DNAH7: variants seen among roughly 807,000 people sequenced by gnomAD.
The protein encoded by DNAH7 is axonemal beta dynein heavy chain 7.
In DNAH7, 397 loss-of-function variants were observed where a neutral mutation model predicts 444.6. The observed-to-expected ratio is 0.89, with a 90% confidence interval of 0.82 to 0.97. DNAH7 has a LOEUF of 0.97. Ranked by LOEUF, DNAH7 falls within the 50% of genes least tolerant of loss-of-function variation. The probability of loss-of-function intolerance (pLI) is 0.00; values close to 1 mark genes in which losing one functional copy is unlikely to be tolerated. For synonymous variants in DNAH7, 1,636 were observed against 1,624.4 expected (o/e 1.01, Z -0.17); for missense variants, 4,902 against 4,800.8 (o/e 1.02, Z -0.62).
At position 195,799,241 on chromosome 2, in the gene DNAH7, A is replaced by G. The variant is rs935651144; in HGVS notation, c.10353+55T>C. On this transcript the variant is annotated intron_variant, in intron 55 of 64. Coordinates refer to ENST00000312428, the MANE Select transcript of DNAH7 (RefSeq NM_018897.3). ...CCTCATCCTTAAAATTTCAATTATA[A>G]GCAAGTATTGCTTTTTTAAAATAAT... is the stretch of plus-strand genomic sequence containing the variant. The G allele has an allele frequency of 1.9e-5, 26 of 1,374,562 alleles. 1 individual carries two copies. The highest frequency in any genetic ancestry group is 1.1e-4 in the Admixed American group (4 of 37,876). The allele number at this position is 1,374,562 out of a possible 1,614,324, so 85.1% of individuals were successfully genotyped here. A position where few individuals can be genotyped will look rare whatever the true frequency, so the allele number is the denominator to read the frequency against.
chr2:195,772,981 A>G (rs1052887777), intron 60 of DNAH7, among the ~76,000 whole-genome samples: 13 of 151,960 alleles, frequency 8.6e-5, no homozygotes, highest in African/African-American at 3.1e-4. Context: ...GTGTTTCACC[A>G]TGTTGGCCAG....
At chr2:196,027,054 T>TA in intron 6 of DNAH7, 114 bp from the exon 7 acceptor site, 3 of 728,546 alleles carry the variant, frequency 4.1e-6, no homozygotes, top group Non-Finnish European at 6.4e-6. Flanking sequence ...TTATAAAGCA[T>TA]AAAAAAGTAT....
chr2:195,875,641 T>C (rs1260458414), intron 38 of DNAH7, 34 bp downstream of exon 38: 2 of 1,527,422 alleles, frequency 1.3e-6, no homozygotes, highest in Admixed American at 4.4e-5. Context: ...GGGAGATTTT[T>C]CCATCTTAGT....
At position 195,969,966 on chromosome 2, in the gene DNAH7, C is replaced by A. The variant is rs553164161; in HGVS notation, c.2187G>T (p.Leu729Phe). 1.7e-4 allele frequency: 266 copies of A among 1,605,228 alleles called. 4 individuals are homozygous for A. The South Asian group carries it at 1.9e-3, about 12-fold the overall frequency. Reference protein sequence around the residue: ...LKKAQILNGKLDLAADKIEQF... With the variant: ...LKKAQILNGKFDLAADKIEQF... ...ATTATACCTTATCTGCAGCTAAATC[C>A]AACTTTCCATTCAGTATTTGAGCCT... The change falls in exon 17 of 65, where the codon TTG becomes TTT. Residue 729 changes from leucine (L) to phenylalanine (F), a missense_variant. Coordinates refer to ENST00000312428, the MANE Select transcript of DNAH7 (RefSeq NM_018897.3).
chr2:195,748,258 C>G (rs1693549907), intron 63 of DNAH7, among the ~76,000 whole-genome samples: 2 of 152,142 alleles, frequency 1.3e-5, no homozygotes, highest in South Asian at 4.1e-4. Flanking sequence ...GAATAAAATA[C>G]CTAGGAATCC....
chr2:195,768,261 A>G (rs917733964), intron 61 of DNAH7, among the ~76,000 whole-genome samples: 8 of 149,144 alleles, frequency 5.4e-5, no homozygotes, highest in Non-Finnish European at 1.0e-4. Flanking sequence ...ATGATAAGGC[A>G]AATATGGCAA....
chr2:195,842,683 T>C (rs1024364586), intron 47 of DNAH7, among the ~76,000 whole-genome samples: 3 of 152,160 alleles, frequency 2.0e-5, no homozygotes, highest in African/African-American at 7.2e-5. Context: ...GTAGGGGTTA[T>C]GACTCATTAA....
chr2:195,803,478 C>CT (rs1696569740), intron 54 of DNAH7, among the ~76,000 whole-genome samples: 1 of 152,218 alleles, frequency 6.6e-6, no homozygotes, highest in Non-Finnish European at 1.5e-5. Context: ...GCTCCCAAGA[C>CT]TGAATTGTAA....
At chr2:195,968,177 C>A (rs1342784722) in intron 17 of DNAH7, among the ~76,000 whole-genome samples, 1 of 152,114 alleles carries the variant, frequency 6.6e-6, no homozygotes, top group Non-Finnish European at 1.5e-5. Context: ...ACTTGGGGGC[C>A]CCAAGGTCCC....
rs776734173 is a variant in DNAH7, at chr2:195,886,265, G to C, written c.5414C>G (p.Ser1805Cys). 1.6e-4 allele frequency: 251 copies of C among 1,609,122 alleles called. No individual in the cohort carries two copies. The highest frequency in any genetic ancestry group is 2.1e-4 in the Non-Finnish European group (245 of 1,178,162). Residue 1805 changes from serine (S) to cysteine (C), a missense_variant, in exon 34 of 65, where the codon TCT (serine) becomes TGT (cysteine). Transcript: ENST00000312428. ...EFIRKHTKEL[S>C]PTSDTNLVRS... ...GACCAAGTTTGTATCGGAAGTAGGA[G>C]ATAATTCCTGAAAAGTCAGTAAGAA...
At chr2:195,971,585 G>A (rs1691844020) in intron 16 of DNAH7, among the ~76,000 whole-genome samples, 1 of 152,190 alleles carries the variant, frequency 6.6e-6, no homozygotes, top group South Asian at 2.1e-4. Context: ...ACAAGCACAT[G>A]TGGGGCGGGG....
Position 195,888,522 on chromosome 2 carries a change from C to T in DNAH7, c.5230-88G>A, listed in dbSNP as rs576848539. The stretch of plus-strand genomic sequence containing the variant: ...ACCTCTGTTTTTTTATAACCTTCAG[C>T]AAAGTCTTGGGCGGGGGGAAGCTTA... On this transcript the variant is annotated intron_variant, in intron 32 of 64. Coordinates refer to ENST00000312428, the MANE Select transcript of DNAH7 (RefSeq NM_018897.3). 48 of 1,347,010 alleles carry T rather than the reference C, an allele frequency of 3.6e-5. No homozygotes were observed. The African/African-American group carries it at 7.3e-4, about 20-fold the overall frequency. 83.4% of individuals were successfully genotyped at this position (1,347,010 alleles called of 1,614,324 possible).
chr2:195,885,947 A>G (rs1454719144), intron 34 of DNAH7, among the ~76,000 whole-genome samples, 194 bp downstream of exon 34: 1 of 152,224 alleles, frequency 6.6e-6, no homozygotes, highest in African/African-American at 2.4e-5. Context: ...ATGATGCATC[A>G]TGACTCCCAG....
At chr2:195,859,398 T>G (rs750718846) in intron 42 of DNAH7, among the ~76,000 whole-genome samples, 6 of 152,148 alleles carry the variant, frequency 3.9e-5, no homozygotes, top group Non-Finnish European at 7.4e-5. Context: ...TAATGTAATA[T>G]TTTAGCATAT....
At chr2:196,018,614 CAAAT>C (rs1420061069) in intron 9 of DNAH7, among the ~76,000 whole-genome samples, 5 of 152,026 alleles carry the variant, frequency 3.3e-5, no homozygotes, top group African/African-American at 9.6e-5. Context: ...ATAATTAAAA[CAAAT>C]AAAGCAGAAA....
chr2:196,050,911 CT>C (rs1559370883), intron 3 of DNAH7, among the ~76,000 whole-genome samples: 1 of 152,170 alleles, frequency 6.6e-6, no homozygotes, highest in African/African-American at 2.4e-5. Flanking sequence ...ACCCCAAGCC[CT>C]TTTTTATTTA....
chr2:196,058,182 C>T, intron 1 of DNAH7, 66 bp from the exon 2 acceptor site: 1 of 1,276,326 alleles, frequency 7.8e-7, no homozygotes, highest in Non-Finnish European at 1.1e-6. Context: ...TTCACTCAAC[C>T]AAATTTTACA....
Position 195,883,451 on chromosome 2 carries a change from T to TC in DNAH7, c.5763+1133dup, listed in dbSNP as rs778869268. ...CAACACAGCGAGACTCAGTCCCCGCTCCCCCCCCCCAAAAAAAAAGAATCA... is the reference window on the plus strand; with the variant it reads ...CAACACAGCGAGACTCAGTCCCCGCTCCCCCCCCCCCAAAAAAAAAGAATCA... On this transcript the variant is annotated intron_variant, in intron 35 of 64. Coordinates refer to ENST00000312428, the MANE Select transcript of DNAH7 (RefSeq NM_018897.3). Among the ~76,000 whole-genome samples the TC allele has an allele frequency of 7.8e-3, 940 of 120,984 alleles. 15 individuals are homozygous for TC. The highest frequency in any genetic ancestry group is 0.016 in the African/African-American group (502 of 31,118). 79.4% of individuals were successfully genotyped at this position (120,984 alleles called of 152,430 possible).
At chr2:195,796,211 C>T (rs954086819) in intron 56 of DNAH7, among the ~76,000 whole-genome samples, 4 of 152,180 alleles carry the variant, frequency 2.6e-5, no homozygotes, top group African/African-American at 9.7e-5. Context: ...AGAGTGGCCA[C>T]ATGAATTTCA....
Sources: gnomAD v4.1 joint callset for allele counts (sites outside exome capture counted in the v4.1 genomes callset) on GRCh38, gnomAD v4.1.1 for gene constraint, MANE v1.5 for transcripts, NCBI Gene and HGNC (gene_info 2026-07-23, HGNC 2026-07-21) for gene names.